The following CPNE8 variants were observed in gnomAD, a reference collection of about 807,000 sequenced individuals.
CPNE8 encodes copine 8, also known as copine-8.
CPNE8 carries 45 observed loss-of-function variants against 81.5 expected under a neutral mutation model. That is an observed-to-expected ratio of 0.55 (90% CI 0.44 to 0.71). CPNE8 has a LOEUF of 0.71. Ranked by LOEUF, CPNE8 falls within the 30% of genes least tolerant of loss-of-function variation. The pLI is 0.00. For synonymous variants in CPNE8, 252 were observed against 226.3 expected (o/e 1.11, Z -1.02); for missense variants, 594 against 672.1 (o/e 0.88, Z 1.28).
In CPNE8 at chr12:38,707,218, G is replaced by A. The variant is rs142653623; in HGVS notation, c.915-4297C>T. On this transcript the variant is annotated intron_variant, in intron 13 of 19. Coordinates refer to ENST00000331366, the MANE Select transcript of CPNE8 (RefSeq NM_153634.3). ...AGTCCAAGCTACTTAGGAGGCTGAGGTGTGATGATCTCTTCAGCCTACGAA... is the reference window on the plus strand; with the variant it reads ...AGTCCAAGCTACTTAGGAGGCTGAGATGTGATGATCTCTTCAGCCTACGAA... Among the ~76,000 whole-genome samples the A allele has an allele frequency of 7.2e-5, 11 of 152,220 alleles. No individual in the cohort carries two copies. In the East Asian group the frequency reaches 1.9e-3, roughly 27 times the overall value.
At position 38,850,346 on chromosome 12, in the gene CPNE8, T is replaced by A. The variant is rs191709790; in HGVS notation, c.187-1684A>T. On this transcript the variant is annotated intron_variant, in intron 3 of 19. Transcript: ENST00000331366. ...CACACTCAGAGAGAATTTTTTAAAATGAAGTGAAATTTCCCACAGTAAGCC... is the reference window on the plus strand; with the variant it reads ...CACACTCAGAGAGAATTTTTTAAAAAGAAGTGAAATTTCCCACAGTAAGCC... 1.2e-3 allele frequency among the ~76,000 whole-genome samples: 184 copies of A among 152,206 alleles called. 1 individual carries two copies. The highest frequency in any genetic ancestry group is 0.011 in the Admixed American group (172 of 15,302).
intron 1 of CPNE8, among the ~76,000 whole-genome samples, chr12:38,886,458 A>G (rs1944238529): frequency 6.6e-6 from 1 of 152,214 alleles, no homozygotes; most frequent in South Asian, 2.1e-4. Flanking sequence ...GCCCTAAATT[A>G]AGTGATAAAG....
intron 6 of CPNE8, among the ~76,000 whole-genome samples, chr12:38,821,130 A>C (rs1354798936): frequency 6.6e-6 from 1 of 152,214 alleles, no homozygotes; most frequent in African/African-American, 2.4e-5. Flanking sequence ...ATAAAGTTTA[A>C]AATACTAAAA....
intron 3 of CPNE8, among the ~76,000 whole-genome samples, chr12:38,852,295 GGCAGGC>G (rs2137063988): frequency 6.6e-6 from 1 of 152,126 alleles, no homozygotes; most frequent in East Asian, 1.9e-4. Flanking sequence ...CAGGCGTGGT[GGCAGGC>G]GCCTGTAGCC....
intron 13 of CPNE8, among the ~76,000 whole-genome samples, chr12:38,710,265 T>TACCAAAAAA (rs1555145896): frequency 6.9e-4 from 1 of 1,446 alleles, no homozygotes; most frequent in East Asian, 0.015. Context: ...CAAAATAAGC[T>TACCAAAAAA]AACAAAAAAA....
chr12:38,662,354 TACC>T (rs1399188877), intron 19 of CPNE8, among the ~76,000 whole-genome samples: 1 of 152,120 alleles, frequency 6.6e-6, no homozygotes, highest in Admixed American at 6.6e-5. Context: ...CATTTCTTTA[TACC>T]AATGGCAAAC....
At chr12:38,721,740 G>A (rs1265306151) in intron 13 of CPNE8, among the ~76,000 whole-genome samples, 1 of 152,212 alleles carries the variant, frequency 6.6e-6, no homozygotes, top group Non-Finnish European at 1.5e-5. Flanking sequence ...AGCCAGGGAT[G>A]TGACTTCCTT....
At chr12:38,735,251 CACGAAA>C (rs1565589884) in intron 10 of CPNE8, among the ~76,000 whole-genome samples, 1 of 102,248 alleles carries the variant, frequency 9.8e-6, no homozygotes, top group African/African-American at 3.2e-5. Flanking sequence ...ATGGAGCAGT[CACGAAA>C]ATGAAAGACC....
chr12:38,806,583 G>T lies in CPNE8; in HGVS notation c.407+22796C>A, dbSNP rs545313939. Among the ~76,000 whole-genome samples the T allele has an allele frequency of 3.4e-5, 5 of 149,234 alleles. No homozygotes were observed. The South Asian group carries it at 6.6e-4, about 20-fold the overall frequency. ...CATGCTAAAAACTCTCAATAAATTA[G>T]GTACTGATGGGACGTATCTCAAAAT... is the stretch of plus-strand genomic sequence containing the variant. On this transcript the variant is annotated intron_variant, in intron 6 of 19. Coordinates refer to ENST00000331366, the MANE Select transcript of CPNE8 (RefSeq NM_153634.3).
At chr12:38,876,538 TTTACTTGTCACA>T (rs553142332) in intron 1 of CPNE8, among the ~76,000 whole-genome samples, 1,636 of 152,296 alleles carry the variant, frequency 0.011, 20 homozygotes, top group South Asian at 0.038. Context: ...AATCATAAAC[TTTACTTGTCACA>T]TTGTTTCACT....
intron 17 of CPNE8, among the ~76,000 whole-genome samples, chr12:38,676,695 A>G (rs1273815478): frequency 6.6e-6 from 1 of 152,206 alleles, no homozygotes; most frequent in Non-Finnish European, 1.5e-5. Flanking sequence ...TCACTTAAAT[A>G]ATTTAATAGT....
At chr12:38,672,688 G>A (rs1252602103) in intron 18 of CPNE8, among the ~76,000 whole-genome samples, 1 of 152,140 alleles carries the variant, frequency 6.6e-6, no homozygotes, top group East Asian at 1.9e-4. Context: ...AAGAAATCTT[G>A]CTTTGAGAAA....
At chr12:38,690,083 G>A (rs1460768823) in intron 15 of CPNE8, among the ~76,000 whole-genome samples, 1 of 152,108 alleles carries the variant, frequency 6.6e-6, no homozygotes, top group African/African-American at 2.4e-5. Context: ...GGTAATTTAA[G>A]TTGTTAAGAA....
rs1025142173 is a variant in CPNE8, at chr12:38,699,986, A to G, written c.961+2889T>C. 3.3e-5 allele frequency among the ~76,000 whole-genome samples: 5 copies of G among 152,136 alleles called. No homozygotes were observed. In the South Asian group the frequency reaches 8.3e-4, roughly 25 times the overall value. ...TTCAGTGGATTCTTTAGGATATCCTATATACAAGATCATGCCATCTGCAAT... is the reference window on the plus strand; with the variant it reads ...TTCAGTGGATTCTTTAGGATATCCTGTATACAAGATCATGCCATCTGCAAT... On this transcript the variant is annotated intron_variant, in intron 14 of 19. Coordinates refer to ENST00000331366, the MANE Select transcript of CPNE8 (RefSeq NM_153634.3).
intron 3 of CPNE8, among the ~76,000 whole-genome samples, chr12:38,869,096 C>T (rs1211386676): frequency 6.6e-6 from 1 of 152,128 alleles, no homozygotes; most frequent in Non-Finnish European, 1.5e-5. Context: ...CACTGCACAT[C>T]CATCAATGGA....
intron 1 of CPNE8, among the ~76,000 whole-genome samples, chr12:38,903,989 C>G (rs2137173719): frequency 6.6e-6 from 1 of 152,318 alleles, no homozygotes; most frequent in African/African-American, 2.4e-5. Flanking sequence ...AGGCTGTCCC[C>G]TACCCTCAAA....
At chr12:38,695,223 C>G (rs889911998) in intron 14 of CPNE8, among the ~76,000 whole-genome samples, 4 of 152,164 alleles carry the variant, frequency 2.6e-5, no homozygotes, top group African/African-American at 9.7e-5. Flanking sequence ...TCTTCTACAA[C>G]CAAGGAGTAT....
In CPNE8 at chr12:38,839,973, A is replaced by G. The variant is rs770263895; in HGVS notation, c.291-18T>C. 3 of 1,565,676 alleles carry G rather than the reference A, an allele frequency of 1.9e-6. No homozygotes were observed. The highest frequency in any genetic ancestry group is 1.7e-6 in the Non-Finnish European group (2 of 1,150,332). On this transcript the variant is annotated intron_variant, in intron 4 of 19. Transcript: ENST00000331366. ...CATCATACCTAAAAGATTGAAATAT[A>G]AAACTCAAATTATTTCCACAAAATA...
chr12:38,868,093 T>C (rs1943941608), intron 3 of CPNE8, among the ~76,000 whole-genome samples: 1 of 152,132 alleles, frequency 6.6e-6, no homozygotes, highest in Non-Finnish European at 1.5e-5. Flanking sequence ...GCTTGTTATA[T>C]ACATGCTTTT....
Sources: gnomAD v4.1 joint callset for allele counts (sites outside exome capture counted in the v4.1 genomes callset) on GRCh38, gnomAD v4.1.1 for gene constraint, MANE v1.5 for transcripts, NCBI Gene and HGNC (gene_info 2026-07-23, HGNC 2026-07-21) for gene names.